URM1: variants seen among roughly 807,000 people sequenced by gnomAD.
URM1 encodes ubiquitin-related modifier 1.
Under a neutral mutation model 17.7 loss-of-function variants are expected in URM1, and 11 were observed. The ratio of observed to expected loss-of-function variants is 0.62; its 90% CI spans 0.39 to 1.03. The LOEUF (loss-of-function observed/expected upper bound fraction) is 1.03, where lower values mean the gene tolerates loss of function less well. Among genes scored for constraint, URM1 ranks in the 50% least tolerant of loss-of-function variants. The pLI, the probability that URM1 is intolerant of heterozygous loss-of-function variation, is 0.00. For missense variants in URM1, 128 were observed against 129.2 expected (o/e 0.99, Z 0.04); for synonymous variants, 48 against 50.6 (o/e 0.95, Z 0.22).
At position 128,387,713 on chromosome 9, in the gene URM1, C is replaced by G. The variant is rs893776167; in HGVS notation, c.107-103C>G. 6.4e-7 allele frequency: 1 copy of G among 1,572,964 alleles called. No homozygotes were observed. Among genetic ancestry groups the G allele is most frequent in the Non-Finnish European group, 8.6e-7 (1 of 1,157,702 alleles). On this transcript the variant is annotated intron_variant, in intron 2 of 4. Coordinates refer to ENST00000372853, the MANE Select transcript of URM1 (RefSeq NM_030914.4). The surrounding 1 kb of genome is among the most constrained non-coding windows in gnomAD (Gnocchi z 4.3). ...ATCACAGCCTGGTCTAAAAGAAGCC[C>G]TCTAAACACCGTGTGTATTTCCTTG...
chr9:128,382,875 T>G (rs1486038737), intron 2 of URM1, among the ~76,000 whole-genome samples: 31 of 152,182 alleles, frequency 2.0e-4, no homozygotes, highest in Admixed American at 2.0e-3. Context: ...GCTTAGGGTA[T>G]TGCGGCTGCT....
chr9:128,376,398 GC>G (rs896272235), intron 1 of URM1, among the ~76,000 whole-genome samples: 19 of 151,254 alleles, frequency 1.3e-4, no homozygotes, highest in African/African-American at 3.4e-4. Context: ...GGTGGCTCAC[GC>G]CTGTAATCCC....
chr9:128,383,724 G>T (rs182288029), intron 2 of URM1, among the ~76,000 whole-genome samples: 3 of 152,284 alleles, frequency 2.0e-5, no homozygotes, highest in Admixed American at 2.0e-4. Flanking sequence ...ATGAGGGTCT[G>T]TTACGCCTGC....
intron 1 of URM1, among the ~76,000 whole-genome samples, chr9:128,375,417 A>C (rs1833063798): frequency 6.6e-6 from 1 of 152,186 alleles, no homozygotes; most frequent in Admixed American, 6.5e-5. Flanking sequence ...CTGAAGCTTA[A>C]GATTGAGTCA....
intron 2 of URM1, among the ~76,000 whole-genome samples, chr9:128,383,492 T>C (rs1041122066): frequency 2.0e-5 from 3 of 152,158 alleles, no homozygotes; most frequent in African/African-American, 7.2e-5. Flanking sequence ...GTTTAACCTG[T>C]GGAAGAGAAG....
At chr9:128,377,405 G>T (rs913740686) in intron 1 of URM1, among the ~76,000 whole-genome samples, 1 of 152,162 alleles carries the variant, frequency 6.6e-6, no homozygotes, top group African/African-American at 2.4e-5. Flanking sequence ...AGGCGCGGTG[G>T]CTCATGACTG....
intron 1 of URM1, among the ~76,000 whole-genome samples, chr9:128,373,289 C>T (rs1211824087): frequency 6.6e-6 from 1 of 151,846 alleles, no homozygotes; most frequent in East Asian, 1.9e-4. Flanking sequence ...GGTTCCTTCT[C>T]TCTTTGTCCT....
At chr9:128,388,795 T>A (rs1255368201) in intron 3 of URM1, 11 of 989,176 alleles carry the variant, frequency 1.1e-5, no homozygotes, top group Non-Finnish European at 1.3e-5. Flanking sequence ...AGGATGGGCA[T>A]GCAGAGGCCT....
chr9:128,389,613 G>T, intron 4 of URM1, 53 bp from the exon 5 acceptor site: 2 of 1,609,976 alleles, frequency 1.2e-6, no homozygotes, highest in Non-Finnish European at 8.5e-7. Flanking sequence ...CTCCTGGGGT[G>T]GACCTGGGAA....
rs140821387 is a variant in URM1, at chr9:128,389,736, G to C, written c.*2G>C. 1 of 1,613,298 alleles carries C rather than the reference G, an allele frequency of 6.2e-7. No individual in the cohort carries two copies. Among genetic ancestry groups the C allele is most frequent in the African/African-American group, 1.3e-5 (1 of 74,914 alleles). On this transcript the variant is annotated 3_prime_UTR_variant, in exon 5 of 5. Coordinates refer to ENST00000372853, the MANE Select transcript of URM1 (RefSeq NM_030914.4). Reference sequence around the variant, plus strand: ...ATCTCCACTCTGCACGGCGGCTGAGGGCCCTTCTCTGGGCCTGGGCACCCT... The same window carrying C: ...ATCTCCACTCTGCACGGCGGCTGAGCGCCCTTCTCTGGGCCTGGGCACCCT...
At position 128,389,084 on chromosome 9, in the gene URM1, G is replaced by A. The variant is rs1450474952; in HGVS notation, c.189-177G>A. ...CTGGCTACAAAGACCATGCATGACT[G>A]ACCTGGTTTCCTTCACACTCAGACC... On this transcript the variant is annotated intron_variant, in intron 3 of 4. Coordinates refer to ENST00000372853, the MANE Select transcript of URM1 (RefSeq NM_030914.4). The A allele has an allele frequency of 3.3e-5, 47 of 1,413,258 alleles. No individual in the cohort carries two copies. The Admixed American group carries it at 5.0e-4, about 15-fold the overall frequency. 87.5% of individuals were successfully genotyped at this position (1,413,258 alleles called of 1,614,324 possible).
intron 1 of URM1, among the ~76,000 whole-genome samples, chr9:128,374,050 G>A (rs549498437): frequency 1.3e-5 from 2 of 152,296 alleles, no homozygotes; most frequent in Admixed American, 6.5e-5. Flanking sequence ...GTTGAAGGAA[G>A]ATGGAGATAT....
intron 2 of URM1, 59 bp downstream of exon 2, chr9:128,378,165 G>A: frequency 1.6e-6 from 2 of 1,280,034 alleles, no homozygotes; most frequent in Non-Finnish European, 2.2e-6. Context: ...TTGGTCCATG[G>A]GGAACACTCA....
intron 4 of URM1, 120 bp downstream of exon 4, chr9:128,389,429 C>A: frequency 6.3e-7 from 1 of 1,593,624 alleles, no homozygotes; most frequent in Non-Finnish European, 8.5e-7. Context: ...CCCACTCCAG[C>A]CCCACACTGA....
chr9:128,384,442 A>C (rs537226477), intron 2 of URM1, among the ~76,000 whole-genome samples: 99 of 152,286 alleles, frequency 6.5e-4, no homozygotes, highest in South Asian at 2.3e-3. Flanking sequence ...TCTAACACAG[A>C]AGGAAGGTCA....
chr9:128,371,567 G>A (rs776107947), intron 1 of URM1, 152 bp downstream of exon 1: 21 of 752,958 alleles, frequency 2.8e-5, no homozygotes, highest in Non-Finnish European at 3.9e-5. Flanking sequence ...AGTCTGAGAG[G>A]CCAGTCTCTC....
At chr9:128,384,512 G>C (rs1588585127) in intron 2 of URM1, among the ~76,000 whole-genome samples, 1 of 152,276 alleles carries the variant, frequency 6.6e-6, no homozygotes, top group East Asian at 1.9e-4. Flanking sequence ...CTTCTGATGG[G>C]AAGATACGGG....
At chr9:128,380,446 G>A (rs774837607) in intron 2 of URM1, among the ~76,000 whole-genome samples, 8 of 152,138 alleles carry the variant, frequency 5.3e-5, no homozygotes, top group Non-Finnish European at 1.0e-4. Context: ...GGGTGCTAAA[G>A]GTGACTGTTT....
intron 3 of URM1, 122 bp from the exon 4 acceptor site, chr9:128,389,139 A>G (rs888825773): frequency 6.1e-6 from 9 of 1,484,194 alleles, no homozygotes; most frequent in Non-Finnish European, 8.0e-6. Flanking sequence ...ATCTTTAGCC[A>G]GACCCCAGGA....
Sources: allele counts gnomAD v4.1 joint callset (sites outside exome capture counted in the v4.1 genomes callset), GRCh38; gene constraint gnomAD v4.1.1; non-coding constraint Gnocchi (gnomAD v3.1); transcripts MANE v1.5; gene names NCBI Gene and HGNC (gene_info 2026-07-23, HGNC 2026-07-21).